The following WRN variants were observed in gnomAD, a reference collection of about 807,000 sequenced individuals.
WRN encodes the protein WRN RecQ like helicase.
A neutral mutation model predicts 180.7 loss-of-function variants in WRN; 149 were observed. That is an observed-to-expected ratio of 0.82 (90% CI 0.72 to 0.94). WRN has a LOEUF of 0.94. Ranked by LOEUF, WRN falls within the 40% of genes least tolerant of loss-of-function variation. WRN has a pLI of 0.00. For missense variants in WRN, 1,661 were observed against 1,700.1 expected (o/e 0.98, Z 0.40); for synonymous variants, 548 against 568.9 (o/e 0.96, Z 0.52).
intron 26 of WRN, 149 bp from the exon 27 acceptor site, chr8:31,142,477 C>T: frequency 3.6e-6 from 2 of 560,692 alleles, no homozygotes; most frequent in Non-Finnish European, 5.8e-6. Flanking sequence ...GCTTCCAGAG[C>T]TTTTTCTAGA....
chr8:31,115,689 A>T (rs573099242), intron 19 of WRN, among the ~76,000 whole-genome samples: 1 of 152,196 alleles, frequency 6.6e-6, no homozygotes, highest in Non-Finnish European at 1.5e-5. Flanking sequence ...ATGTAAATGA[A>T]TATTTTTAGG....
intron 7 of WRN, among the ~76,000 whole-genome samples, chr8:31,073,702 G>T (rs989938306): frequency 1.3e-5 from 2 of 152,142 alleles, no homozygotes; most frequent in Non-Finnish European, 2.9e-5. Flanking sequence ...GCATTTAGAG[G>T]TTGGGAAGAT....
In WRN at chr8:31,147,483, T is replaced by G; in HGVS notation, c.3572+7T>G. On this transcript the variant is annotated splice_region_variant and intron_variant, in intron 30 of 34. Transcript: ENST00000298139. ...TGGATATGGCCAAAATGAGGTAAAC[T>G]ATCTTTTGCATGTGTTCTATTTATT... 1 of 1,566,510 alleles carries G rather than the reference T, an allele frequency of 6.4e-7. No individual in the cohort carries two copies.
intron 23 of WRN, among the ~76,000 whole-genome samples, chr8:31,129,815 G>A (rs1802074803): frequency 6.6e-6 from 1 of 151,838 alleles, no homozygotes; most frequent in Admixed American, 6.6e-5. Context: ...AACCATCCTG[G>A]CCAACATGGT....
intron 24 of WRN, among the ~76,000 whole-genome samples, chr8:31,139,038 A>G (rs1802504830): frequency 6.6e-6 from 1 of 152,226 alleles, no homozygotes; most frequent in Non-Finnish European, 1.5e-5. Flanking sequence ...ATACTGGGGA[A>G]GATTCTCAAA....
intron 32 of WRN, 149 bp downstream of exon 32, chr8:31,154,904 G>A: frequency 8.8e-7 from 1 of 1,135,224 alleles, no homozygotes; most frequent in Non-Finnish European, 1.2e-6. Flanking sequence ...AAAAGAGAAT[G>A]TTGTTTTCTT....
chr8:31,168,371 C>A (rs1803979171), intron 34 of WRN, among the ~76,000 whole-genome samples: 1 of 152,120 alleles, frequency 6.6e-6, no homozygotes, highest in Non-Finnish European at 1.5e-5. Flanking sequence ...AACGGTGTAA[C>A]TTACTATTTT....
intron 29 of WRN, 78 bp downstream of exon 29, chr8:31,147,206 G>A: frequency 6.5e-7 from 1 of 1,531,780 alleles, no homozygotes; most frequent in Non-Finnish European, 9.0e-7. Flanking sequence ...TCTGTATTTT[G>A]CCAGCATTTT....
At chr8:31,076,597 A>C (rs1448698670) in intron 8 of WRN, among the ~76,000 whole-genome samples, 1 of 152,206 alleles carries the variant, frequency 6.6e-6, no homozygotes, top group Non-Finnish European at 1.5e-5. Flanking sequence ...AATAAATTAT[A>C]CATTAAGGAA....
intron 19 of WRN, among the ~76,000 whole-genome samples, chr8:31,115,256 A>G (rs910555394): frequency 1.4e-4 from 22 of 152,242 alleles, no homozygotes; most frequent in Non-Finnish European, 3.2e-4. Flanking sequence ...TAAGTAGTTC[A>G]CTGTGAATTT....
At chr8:31,160,429 CCTT>C (rs551486851) in intron 33 of WRN, among the ~76,000 whole-genome samples, 5 of 152,178 alleles carry the variant, frequency 3.3e-5, no homozygotes, top group Non-Finnish European at 5.9e-5. Flanking sequence ...CTCCTGGTCA[CCTT>C]CTAATCTTCC....
At chr8:31,140,192 AATTTTTT>A (rs1229673256) in intron 24 of WRN, among the ~76,000 whole-genome samples, 3 of 151,114 alleles carry the variant, frequency 2.0e-5, no homozygotes, top group Non-Finnish European at 4.4e-5. Flanking sequence ...ACACTTTGCT[AATTTTTT>A]ATTTTTTATT....
intron 23 of WRN, among the ~76,000 whole-genome samples, chr8:31,127,586 A>T (rs1042646719): frequency 4.0e-5 from 6 of 150,824 alleles, no homozygotes; most frequent in East Asian, 2.0e-4. Flanking sequence ...ATGCACCTTT[A>T]AAAAAAAACA....
chr8:31,075,913 T>A (rs2737321), intron 7 of WRN, among the ~76,000 whole-genome samples: 6 of 152,164 alleles, frequency 3.9e-5, no homozygotes, highest in Non-Finnish European at 7.4e-5. Context: ...CTTCTCCTTC[T>A]GCCTAGGTGA....
intron 33 of WRN, among the ~76,000 whole-genome samples, chr8:31,160,819 A>C (rs1043512587): frequency 3.3e-5 from 5 of 152,036 alleles, no homozygotes; most frequent in Non-Finnish European, 7.4e-5. Flanking sequence ...CCCCGTCTCT[A>C]CTAAAAATAC....
Position 31,174,826 on chromosome 8 carries a change from TCCCTCCCTCCCTC to T in WRN, c.*1727_*1739del, listed in dbSNP as rs1563397677. 1.9e-5 allele frequency among the ~76,000 whole-genome samples: 2 copies of T among 103,006 alleles called. No individual in the cohort carries two copies. Among genetic ancestry groups the T allele is most frequent in the African/African-American group, 7.4e-5 (2 of 26,996 alleles). The allele number at this position is 103,006 out of a possible 152,430, so 67.6% of individuals were successfully genotyped here. A position where few individuals can be genotyped will look rare whatever the true frequency, so the allele number is the denominator to read the frequency against. On this transcript the variant is annotated 3_prime_UTR_variant, in exon 35 of 35. Transcript: ENST00000298139. ...CTTCCTTCCTTCCTTCCTTCCTCCC[TCCCTCCCTCCCTC>T]CCTCCCTCCCTCCTTTCTTTTTCTT... is the stretch of plus-strand genomic sequence containing the variant.
intron 21 of WRN, among the ~76,000 whole-genome samples, chr8:31,122,671 G>C (rs1801766474): frequency 6.6e-6 from 1 of 151,730 alleles, no homozygotes; most frequent in Non-Finnish European, 1.5e-5. Context: ...TTTTTATTCT[G>C]TGGAATACTG....
Position 31,111,811 on chromosome 8 carries a change from A to G in WRN, c.2273+12A>G. ...CTTGTCAAAACAAGGTAAGGATTTA[A>G]TGGTTGATGAATTTTGGTAATGATT... On this transcript the variant is annotated intron_variant, in intron 19 of 34. Coordinates refer to ENST00000298139, the MANE Select transcript of WRN (RefSeq NM_000553.6). 1.2e-6 allele frequency: 2 copies of G among 1,612,396 alleles called. No homozygotes were observed. The highest frequency in any genetic ancestry group is 1.7e-6 in the Non-Finnish European group (2 of 1,179,384).
intron 1 of WRN, among the ~76,000 whole-genome samples, chr8:31,049,851 A>G (rs1410308090): frequency 1.3e-5 from 2 of 152,100 alleles, no homozygotes; most frequent in African/African-American, 4.8e-5. Context: ...GTGTAATTAT[A>G]GTTTAAAAGA....
Sources: gnomAD v4.1 joint callset for allele counts (sites outside exome capture counted in the v4.1 genomes callset) on GRCh38, gnomAD v4.1.1 for gene constraint, MANE v1.5 for transcripts, NCBI Gene and HGNC (gene_info 2026-07-23, HGNC 2026-07-21) for gene names.